SAMD4A: variants seen among roughly 807,000 people sequenced by gnomAD.
SAMD4A encodes the protein protein Smaug homolog 1.
In SAMD4A, 33 loss-of-function variants were observed where a neutral mutation model predicts 81.3. The ratio of observed to expected loss-of-function variants is 0.41; its 90% confidence interval spans 0.31 to 0.54. SAMD4A has a LOEUF of 0.54. Ranked by LOEUF, SAMD4A falls within the 20% of genes least tolerant of loss-of-function variation. The pLI, the probability that SAMD4A is intolerant of heterozygous loss-of-function variation, is 0.37. For missense variants in SAMD4A, 854 were observed against 951.1 expected, an observed-to-expected ratio of 0.90 and a Z score of 1.34; for synonymous variants, 389 against 382.1, an observed-to-expected ratio of 1.02 and a Z score of -0.21.
At position 54,612,870 on chromosome 14, in the gene SAMD4A, G is replaced by A. The variant is rs144847697; in HGVS notation, c.196+44758G>A. Among the ~76,000 whole-genome samples, 902 of 152,276 alleles carry A rather than the reference G, an allele frequency of 5.9e-3. 9 individuals carry two copies. The highest frequency in any genetic ancestry group is 0.021 in the African/African-American group (871 of 41,554). ...ATGGTGGCTCACGCCTGTAATCCCA[G>A]CACTTTGGGAGGCTGAGGCAGATGG... On this transcript the variant is annotated intron_variant, in intron 2 of 12. Coordinates refer to ENST00000554335, the MANE Select transcript of SAMD4A (RefSeq NM_015589.6).
At chr14:54,656,568 T>C (rs2035524992) in intron 2 of SAMD4A, among the ~76,000 whole-genome samples, 1 of 152,228 alleles carries the variant, frequency 6.6e-6, no homozygotes. Flanking sequence ...AGTTGTTCTT[T>C]AAAATAATAA....
At position 54,637,162 on chromosome 14, in the gene SAMD4A, C is replaced by T. The variant is rs192645098; in HGVS notation, c.197-64900C>T. ...GGTGGATCACCTGAGGTCAGGAGTTCGAGACCAGCCTGGCCAACATGATGA... is the reference window on the plus strand; with the variant it reads ...GGTGGATCACCTGAGGTCAGGAGTTTGAGACCAGCCTGGCCAACATGATGA... On this transcript the variant is annotated intron_variant, in intron 2 of 12. Coordinates refer to ENST00000554335, the MANE Select transcript of SAMD4A (RefSeq NM_015589.6). Among the ~76,000 whole-genome samples the T allele has an allele frequency of 1.3e-3, 193 of 151,762 alleles. 1 individual carries two copies. The highest frequency in any genetic ancestry group is 4.3e-3 in the African/African-American group (179 of 41,360).
intron 2 of SAMD4A, among the ~76,000 whole-genome samples, chr14:54,598,835 C>T (rs1264802175): frequency 6.6e-6 from 1 of 151,750 alleles, no homozygotes; most frequent in African/African-American, 2.4e-5. Context: ...TCCATCCACT[C>T]TCTTGTACAG....
intron 2 of SAMD4A, among the ~76,000 whole-genome samples, chr14:54,686,392 A>T (rs1000065278): frequency 6.6e-6 from 1 of 152,170 alleles, no homozygotes; most frequent in Non-Finnish European, 1.5e-5. Flanking sequence ...TGCCCTTTTT[A>T]TGTCGCAGCC....
At chr14:54,777,079 T>C (rs1953677828) in intron 11 of SAMD4A, among the ~76,000 whole-genome samples, 1 of 152,264 alleles carries the variant, frequency 6.6e-6, no homozygotes, top group Non-Finnish European at 1.5e-5. Flanking sequence ...GTTGGAATTA[T>C]GCACAGCTAA....
At chr14:54,635,941 A>G (rs1476170809) in intron 2 of SAMD4A, among the ~76,000 whole-genome samples, 1 of 152,230 alleles carries the variant, frequency 6.6e-6, no homozygotes, top group African/African-American at 2.4e-5. Context: ...GGATACGTTG[A>G]ATAACAAAAC....
chr14:54,699,701 A>G (rs1183350819), intron 2 of SAMD4A, among the ~76,000 whole-genome samples: 1 of 152,194 alleles, frequency 6.6e-6, no homozygotes, highest in Admixed American at 6.5e-5. Context: ...CTTCTTTAAT[A>G]TGGCTACTAG....
intron 2 of SAMD4A, among the ~76,000 whole-genome samples, chr14:54,584,012 G>GT (rs1038233506): frequency 1.3e-5 from 2 of 152,328 alleles, no homozygotes; most frequent in South Asian, 4.1e-4. Flanking sequence ...AAATGCAGGT[G>GT]TAGAGTCTTT....
chr14:54,635,268 C>CAA (rs535897530), intron 2 of SAMD4A, among the ~76,000 whole-genome samples: 2 of 150,168 alleles, frequency 1.3e-5, no homozygotes, highest in South Asian at 4.2e-4. Context: ...ACTAAAAATA[C>CAA]AAAAAAATTA....
chr14:54,730,207 A>G (rs371918023), intron 3 of SAMD4A, among the ~76,000 whole-genome samples: 15 of 152,368 alleles, frequency 9.8e-5, no homozygotes, highest in African/African-American at 3.6e-4. Flanking sequence ...TCACGGTACT[A>G]GGAAAGCCTC....
chr14:54,772,230 A>G (rs1266908141), intron 9 of SAMD4A, among the ~76,000 whole-genome samples: 1 of 152,236 alleles, frequency 6.6e-6, no homozygotes, highest in Non-Finnish European at 1.5e-5. Context: ...CATGCATTTC[A>G]ACATTTCAGT....
intron 8 of SAMD4A, 101 bp from the exon 9 acceptor site, chr14:54,770,003 G>A (rs2038658616): frequency 2.7e-6 from 2 of 740,742 alleles, no homozygotes; most frequent in South Asian, 3.5e-5. Flanking sequence ...TGAAGAAAAG[G>A]CAACTGCAGA....
intron 2 of SAMD4A, among the ~76,000 whole-genome samples, chr14:54,656,528 A>G (rs1403911835): frequency 6.6e-6 from 1 of 151,966 alleles, no homozygotes; most frequent in Admixed American, 6.6e-5. Context: ...CCTGTCTGCC[A>G]GATACTGAAA....
rs1453102796 is a variant in SAMD4A, at chr14:54,567,638, G to A, written c.-279G>A. The A allele has an allele frequency of 8.7e-6, 4 of 458,046 alleles. No homozygotes were observed. The highest frequency in any genetic ancestry group is 8.6e-5 in the African/African-American group (4 of 46,562). The allele number at this position is 458,046 out of a possible 1,614,324, so 28.4% of individuals were successfully genotyped here. A position where few individuals can be genotyped will look rare whatever the true frequency, so the allele number is the denominator to read the frequency against. On this transcript the variant is annotated 5_prime_UTR_variant, in exon 2 of 13. Transcript: ENST00000554335. Reference sequence around the variant, plus strand: ...TTCTTCATTCAGTTGTGTGCCTTGTGGGGGATTTTTAAAAAGTCGTTTTTT... The same window carrying A: ...TTCTTCATTCAGTTGTGTGCCTTGTAGGGGATTTTTAAAAAGTCGTTTTTT...
chr14:54,591,506 A>G (rs939698052), intron 2 of SAMD4A, among the ~76,000 whole-genome samples: 3 of 149,520 alleles, frequency 2.0e-5, no homozygotes, highest in Non-Finnish European at 3.0e-5. Context: ...CACAATTTAA[A>G]TGGAGGGAAT....
intron 2 of SAMD4A, among the ~76,000 whole-genome samples, chr14:54,670,431 C>T (rs2035855330): frequency 6.6e-6 from 1 of 152,182 alleles, no homozygotes; most frequent in Non-Finnish European, 1.5e-5. Flanking sequence ...AAGCGAAGCT[C>T]CTTCAGGGCT....
intron 2 of SAMD4A, among the ~76,000 whole-genome samples, chr14:54,581,427 G>A (rs1438812593): frequency 6.6e-6 from 1 of 152,232 alleles, no homozygotes; most frequent in Non-Finnish European, 1.5e-5. Context: ...CTAAGGCTTG[G>A]ATCCGATGAT....
intron 3 of SAMD4A, among the ~76,000 whole-genome samples, chr14:54,723,105 A>G (rs201389973): frequency 4.3e-4 from 2 of 4,698 alleles, no homozygotes; most frequent in Non-Finnish European, 0.1. Context: ...TTTAAATAGA[A>G]AAAAAAAAAA....
chr14:54,627,267 T>C lies in SAMD4A; in HGVS notation c.196+59155T>C, dbSNP rs183898965. 4.0e-5 allele frequency among the ~76,000 whole-genome samples: 6 copies of C among 150,064 alleles called. No individual in the cohort carries two copies. In the East Asian group the frequency reaches 7.7e-4, roughly 19 times the overall value. On this transcript the variant is annotated intron_variant, in intron 2 of 12. Transcript: ENST00000554335. ...ATCAGATTGAGGGGTGCTTCTGACT[T>C]TTTTTTTAAAGAAATTTTGTCATAC...
Sources: gnomAD v4.1 joint callset for allele counts (sites outside exome capture counted in the v4.1 genomes callset) on GRCh38, gnomAD v4.1.1 for gene constraint, MANE v1.5 for transcripts, NCBI Gene and HGNC (gene_info 2026-07-23, HGNC 2026-07-21) for gene names.